Variants in COL8A1 observed in about 807,000 individuals in gnomAD.
COL8A1 encodes collagen alpha-1(VIII) chain.
In COL8A1, 21 loss-of-function variants were observed where a neutral mutation model predicts 42.7. The ratio of observed to expected loss-of-function variants is 0.49; its 90% CI spans 0.35 to 0.71. The LOEUF (loss-of-function observed/expected upper bound fraction) is 0.71. COL8A1 is among the 30% of genes least tolerant of loss of function. COL8A1 has a pLI of 0.01. For synonymous variants in COL8A1, 367 were observed against 369.1 expected (o/e 0.99, Z 0.06); for missense variants, 788 against 962.4 (o/e 0.82, Z 2.40).
intron 1 of COL8A1, among the ~76,000 whole-genome samples, chr3:99,697,458 A>C (rs1007277988): frequency 2.0e-5 from 3 of 152,160 alleles, no homozygotes; most frequent in Non-Finnish European, 4.4e-5. Flanking sequence ...TCAGATTAGG[A>C]AGTTAAAAGG....
chr3:99,737,617 C>T (rs943556165), intron 1 of COL8A1, among the ~76,000 whole-genome samples: 78 of 152,258 alleles, frequency 5.1e-4, no homozygotes, highest in Non-Finnish European at 1.0e-3. Context: ...GATGGGCTTC[C>T]CTTTGAGGGT....
intron 1 of COL8A1, among the ~76,000 whole-genome samples, chr3:99,681,402 C>T (rs566768014): frequency 6.6e-6 from 1 of 152,166 alleles, no homozygotes; most frequent in African/African-American, 2.4e-5. Context: ...ATTTTCCATC[C>T]GTAAAATTTT....
At chr3:99,678,295 T>C (rs1382285987) in intron 1 of COL8A1, 1 of 152,048 alleles carries the variant, frequency 6.6e-6, no homozygotes, top group East Asian at 1.9e-4. Flanking sequence ...CCAGTGATAG[T>C]TTTCAAACAA....
At chr3:99,787,034 A>G (rs1249524747) in intron 2 of COL8A1, among the ~76,000 whole-genome samples, 1 of 152,204 alleles carries the variant, frequency 6.6e-6, no homozygotes, top group African/African-American at 2.4e-5. Flanking sequence ...AGAGACACAC[A>G]TACATACACA....
chr3:99,649,477 G>A (rs931629113), intron 1 of COL8A1, among the ~76,000 whole-genome samples: 1 of 152,070 alleles, frequency 6.6e-6, no homozygotes, highest in Admixed American at 6.6e-5. Flanking sequence ...TTCTAAAAAG[G>A]GACAATTTGG....
intron 1 of COL8A1, among the ~76,000 whole-genome samples, chr3:99,737,993 T>A (rs1221116277): frequency 6.6e-6 from 1 of 152,070 alleles, no homozygotes; most frequent in African/African-American, 2.4e-5. Context: ...CCATTGCTGA[T>A]ACCCTTTCTT....
chr3:99,740,748 C>T (rs1940876952), intron 1 of COL8A1, among the ~76,000 whole-genome samples: 1 of 152,180 alleles, frequency 6.6e-6, no homozygotes, highest in Non-Finnish European at 1.5e-5. Context: ...GGATTCAAAG[C>T]TCAGTCTATG....
intron 1 of COL8A1, among the ~76,000 whole-genome samples, chr3:99,701,296 A>T (rs1939530217): frequency 6.6e-6 from 1 of 152,226 alleles, no homozygotes; most frequent in Admixed American, 6.5e-5. Context: ...TGCAAATTTC[A>T]TCCCATTTAA....
At chr3:99,677,476 C>A (rs1029567061) in intron 1 of COL8A1, among the ~76,000 whole-genome samples, 1 of 152,030 alleles carries the variant, frequency 6.6e-6, no homozygotes, top group Non-Finnish European at 1.5e-5. Context: ...ATTTTATTTA[C>A]AGGGAGAGTG....
intron 2 of COL8A1, among the ~76,000 whole-genome samples, chr3:99,781,369 G>A (rs1268778478): frequency 6.6e-6 from 1 of 152,102 alleles, no homozygotes; most frequent in African/African-American, 2.4e-5. Context: ...TATTTTCCAA[G>A]TGCTATTGAT....
intron 1 of COL8A1, among the ~76,000 whole-genome samples, chr3:99,644,605 T>G (rs1371475932): frequency 6.6e-6 from 1 of 152,218 alleles, no homozygotes; most frequent in Admixed American, 6.5e-5. Flanking sequence ...AAAATCGATC[T>G]ATTATATGTT....
At chr3:99,756,196 T>G (rs537719416) in intron 2 of COL8A1, among the ~76,000 whole-genome samples, 3 of 151,782 alleles carry the variant, frequency 2.0e-5, no homozygotes, top group Non-Finnish European at 2.9e-5. Flanking sequence ...TAGGGGAGCT[T>G]GGGGTAGAAT....
intron 1 of COL8A1, among the ~76,000 whole-genome samples, chr3:99,676,758 G>A (rs1938710371): frequency 1.3e-5 from 2 of 151,852 alleles, no homozygotes; most frequent in South Asian, 4.2e-4. Flanking sequence ...GAATTGGAAA[G>A]GAAAAATATA....
At chr3:99,793,910 C>A (rs532036145) in intron 3 of COL8A1, among the ~76,000 whole-genome samples, 66 of 152,208 alleles carry the variant, frequency 4.3e-4, no homozygotes, top group African/African-American at 1.5e-3. Flanking sequence ...TGCCACCACA[C>A]CCGGCTAATT....
At position 99,639,516 on chromosome 3, in the gene COL8A1, CT is replaced by C. The variant is rs537415966; in HGVS notation, c.-129+858del. Among the ~76,000 whole-genome samples, 210 of 152,218 alleles carry C rather than the reference CT, an allele frequency of 1.4e-3. 1 individual carries two copies. The highest frequency in any genetic ancestry group is 4.7e-3 in the African/African-American group (194 of 41,544). ...TGGAAGTTTTAATCCTTCTTTCCAC[CT>C]TTTTTCCCCCGCATTTAGTAAATCA... On this transcript the variant is annotated intron_variant, in intron 1 of 3. Coordinates refer to ENST00000652472, the MANE Select transcript of COL8A1 (RefSeq NM_020351.4).
chr3:99,657,164 A>T (rs1043069609), intron 1 of COL8A1, among the ~76,000 whole-genome samples: 1 of 152,222 alleles, frequency 6.6e-6, no homozygotes, highest in African/African-American at 2.4e-5. Flanking sequence ...AAAGCCAAAG[A>T]TGTACTGAGA....
At chr3:99,789,566 A>C (rs1467795150) in intron 2 of COL8A1, among the ~76,000 whole-genome samples, 1 of 152,126 alleles carries the variant, frequency 6.6e-6, no homozygotes, top group African/African-American at 2.4e-5. Context: ...TCTAGTGTGC[A>C]TTTGCCAACA....
chr3:99,643,870 C>T (rs1049254386), intron 1 of COL8A1, among the ~76,000 whole-genome samples: 29 of 152,128 alleles, frequency 1.9e-4, no homozygotes, highest in Admixed American at 1.9e-3. Flanking sequence ...CAAAGTGTTG[C>T]CAATTTAACC....
At chr3:99,643,554 C>A (rs1404160522) in intron 1 of COL8A1, among the ~76,000 whole-genome samples, 1 of 152,158 alleles carries the variant, frequency 6.6e-6, no homozygotes, top group African/African-American at 2.4e-5. Context: ...AATGGATTTA[C>A]AAAGTAAATT....
Sources: allele counts gnomAD v4.1 joint callset (sites outside exome capture counted in the v4.1 genomes callset), GRCh38; gene constraint gnomAD v4.1.1; transcripts MANE v1.5; gene names NCBI Gene and HGNC (gene_info 2026-07-23, HGNC 2026-07-21).